PPP1R2: variants seen among roughly 807,000 people sequenced by gnomAD.
The protein encoded by PPP1R2 is protein phosphatase inhibitor 2.
Under a neutral mutation model 29.9 loss-of-function variants are expected in PPP1R2, and 16 were observed. The observed-to-expected ratio is 0.53, with a 90% CI of 0.36 to 0.81. The LOEUF (loss-of-function observed/expected upper bound fraction) is 0.81. Ranked by LOEUF, PPP1R2 falls within the 30% of genes least tolerant of loss-of-function variation. The pLI is 0.00. For synonymous variants in PPP1R2, 76 were observed against 91.5 expected (o/e 0.83, Z 0.96); for missense variants, 197 against 252.7 (o/e 0.78, Z 1.49).
At chr3:195,517,072 A>G (rs1718573864) in intron 5 of PPP1R2, 130 bp from the exon 6 acceptor site, 1 of 690,494 alleles carries the variant, frequency 1.4e-6, no homozygotes. Context: ...TATTTCATGT[A>G]GGCTGATTTA....
At chr3:195,524,934 A>G in intron 2 of PPP1R2, 38 bp from the exon 3 acceptor site, 2 of 1,553,096 alleles carry the variant, frequency 1.3e-6, no homozygotes, top group Non-Finnish European at 1.8e-6. Context: ...TACCTGAAAC[A>G]TACATTTTCA....
chr3:195,519,062 T>G lies in PPP1R2; in HGVS notation c.527A>C (p.Glu176Ala). 1 of 1,605,522 alleles carries G rather than the reference T, an allele frequency of 6.2e-7. No individual in the cohort carries two copies. Among genetic ancestry groups the G allele is most frequent in the South Asian group, 1.1e-5 (1 of 90,468 alleles). The change falls in exon 5 of 6, where the codon GAG becomes GCG. Residue 176 changes from glutamate (E) to alanine (A), a missense_variant. Coordinates refer to ENST00000618156, the MANE Select transcript of PPP1R2 (RefSeq NM_006241.8). ...HDDDEDEEML[E>A]TADGESMNTE... ...ATTCATGCTTTCTCCATCTGCAGTC[T>G]CTAACATTTCTTCATCTTCATCATC...
chr3:195,543,297 C>T lies in PPP1R2; in HGVS notation c.-272G>A, dbSNP rs1036965738. 2 of 319,298 alleles carry T rather than the reference C, an allele frequency of 6.3e-6. No individual in the cohort carries two copies. Among genetic ancestry groups the T allele is most frequent in the African/African-American group, 4.4e-5 (2 of 45,950 alleles). 19.8% of individuals were successfully genotyped at this position (319,298 alleles called of 1,614,324 possible). On this transcript the variant is annotated 5_prime_UTR_variant, in exon 1 of 6. Coordinates refer to ENST00000618156, the MANE Select transcript of PPP1R2 (RefSeq NM_006241.8). ...CGCGGAGAGACGCCGGCCTAGAGCT[C>T]CAGCGCAGGAGCGACGCGACGCCGA...
rs752871718 is a variant in PPP1R2 at position 195,516,232 on chromosome 3, A to G, written c.*664T>C. The G allele has an allele frequency of 6.5e-6, 1 of 152,710 alleles. No individual in the cohort carries two copies. Among genetic ancestry groups the G allele is most frequent in the Admixed American group, 6.5e-5 (1 of 15,300 alleles). 9.5% of individuals were successfully genotyped at this position (152,710 alleles called of 1,614,324 possible). ...AACAAAAACCCCCCAAAAACAAAAA[A>G]CAGAGCAGACATTGGTGAAAGTTTA... On this transcript the variant is annotated 3_prime_UTR_variant, in exon 6 of 6. Coordinates refer to ENST00000618156, the MANE Select transcript of PPP1R2 (RefSeq NM_006241.8).
intron 5 of PPP1R2, among the ~76,000 whole-genome samples, chr3:195,517,320 A>G (rs1183390933): frequency 6.6e-6 from 1 of 152,046 alleles, no homozygotes; most frequent in African/African-American, 2.4e-5. Flanking sequence ...AATTGTGTGA[A>G]TGGGGGAGGA....
chr3:195,521,283 C>A (rs1718749688), intron 4 of PPP1R2, among the ~76,000 whole-genome samples: 2 of 131,074 alleles, frequency 1.5e-5, no homozygotes, highest in African/African-American at 6.0e-5. Context: ...CCACTGCACT[C>A]CAGCCTGGGC....
intron 2 of PPP1R2, among the ~76,000 whole-genome samples, chr3:195,526,708 G>A (rs1718984569): frequency 1.3e-5 from 2 of 151,998 alleles, no homozygotes; most frequent in Non-Finnish European, 2.9e-5. Context: ...ACAACCTCCA[G>A]GGCTCAGACA....
chr3:195,517,819 T>C (rs1210363744), intron 5 of PPP1R2, among the ~76,000 whole-genome samples: 1 of 152,090 alleles, frequency 6.6e-6, no homozygotes, highest in African/African-American at 2.4e-5. Context: ...AAACAGACTA[T>C]GGGATATATA....
intron 1 of PPP1R2, among the ~76,000 whole-genome samples, chr3:195,533,453 A>G (rs915759457): frequency 1.3e-5 from 2 of 152,028 alleles, no homozygotes; most frequent in Admixed American, 1.3e-4. Flanking sequence ...TTGGTTTTTG[A>G]GTATTTTTTA....
In PPP1R2 at chr3:195,516,313, C is replaced by T. The variant is rs899310391; in HGVS notation, c.*583G>A. 6.6e-6 allele frequency: 1 copy of T among 152,468 alleles called. No individual in the cohort carries two copies. Among genetic ancestry groups the T allele is most frequent in the African/African-American group, 2.4e-5 (1 of 41,420 alleles). The allele number at this position is 152,468 out of a possible 1,614,324, so 9.4% of individuals were successfully genotyped here. ...TAGTTTTGATGAGAAAAAGTTCAGT[C>T]CTTTCCTTGTAAACACAAAGAAACT... On this transcript the variant is annotated 3_prime_UTR_variant, in exon 6 of 6. Coordinates refer to ENST00000618156, the MANE Select transcript of PPP1R2 (RefSeq NM_006241.8).
chr3:195,536,293 TAAAAAAAAAAAAAA>T (rs10645669), intron 1 of PPP1R2, among the ~76,000 whole-genome samples: 2 of 115,530 alleles, frequency 1.7e-5, no homozygotes, highest in Non-Finnish European at 3.4e-5. Flanking sequence ...ACCCTGTCTT[TAAAAAAAAAAAAAA>T]AAAAAAAAAA....
chr3:195,525,533 C>T (rs1380505275), intron 2 of PPP1R2, among the ~76,000 whole-genome samples: 3 of 152,124 alleles, frequency 2.0e-5, no homozygotes, highest in Non-Finnish European at 4.4e-5. Context: ...ACAAGTAATG[C>T]AAAGTAAATC....
intron 2 of PPP1R2, chr3:195,529,522 A>G (rs991694471): frequency 4.0e-6 from 1 of 251,274 alleles, no homozygotes; most frequent in African/African-American, 2.2e-5. Context: ...AGTTAAAACT[A>G]ATATATGCAC....
chr3:195,531,407 T>C (rs1168736339), intron 1 of PPP1R2, among the ~76,000 whole-genome samples: 1 of 152,206 alleles, frequency 6.6e-6, no homozygotes, highest in African/African-American at 2.4e-5. Context: ...GCAGGTATTT[T>C]CAATTTCCCA....
At chr3:195,531,106 A>G (rs1023782203) in intron 1 of PPP1R2, among the ~76,000 whole-genome samples, 1 of 152,226 alleles carries the variant, frequency 6.6e-6, no homozygotes, top group Non-Finnish European at 1.5e-5. Context: ...TCCAGGAGTG[A>G]GCCACCGTGC....
chr3:195,527,114 G>A (rs571769282), intron 2 of PPP1R2, among the ~76,000 whole-genome samples: 1 of 151,796 alleles, frequency 6.6e-6, no homozygotes, highest in Admixed American at 6.6e-5. Context: ...GTGGAGATAA[G>A]AGTCTCACTC....
At chr3:195,533,106 G>A (rs1476338955) in intron 1 of PPP1R2, among the ~76,000 whole-genome samples, 1 of 152,086 alleles carries the variant, frequency 6.6e-6, no homozygotes, top group Non-Finnish European at 1.5e-5. Context: ...CAGCACTTTG[G>A]GAGGCTGAGG....
At chr3:195,520,821 C>T (rs916850975) in intron 4 of PPP1R2, among the ~76,000 whole-genome samples, 1 of 151,804 alleles carries the variant, frequency 6.6e-6, no homozygotes, top group Non-Finnish European at 1.5e-5. Flanking sequence ...ACCTGGCCTC[C>T]AAAGTACTTT....
chr3:195,523,325 C>T (rs183248344), intron 4 of PPP1R2: 3 of 224,568 alleles, frequency 1.3e-5, no homozygotes, highest in Admixed American at 5.2e-5. Flanking sequence ...ACACAAAAAG[C>T]ATAAGCAACT....
Sources: gnomAD v4.1 joint callset for allele counts (sites outside exome capture counted in the v4.1 genomes callset) on GRCh38, gnomAD v4.1.1 for gene constraint, MANE v1.5 for transcripts, NCBI Gene and HGNC (gene_info 2026-07-23, HGNC 2026-07-21) for gene names.